POU2F1: variants seen among roughly 807,000 people sequenced by gnomAD.
The protein encoded by POU2F1 is POU class 2 homeobox 1, also known as POU domain, class 2, transcription factor 1.
POU2F1 carries 16 observed loss-of-function variants against 84.9 expected under a neutral mutation model. That is an observed-to-expected ratio of 0.19 (90% CI 0.13 to 0.29). The LOEUF is 0.29. POU2F1 is among the 10% of genes least tolerant of loss of function. The probability of loss-of-function intolerance (pLI) is 1.00; values close to 1 mark genes in which losing one functional copy is unlikely to be tolerated. For missense variants in POU2F1, 738 were observed against 942.6 expected (o/e 0.78, Z 2.84); for synonymous variants, 368 against 368.3 (o/e 1.00, Z 0.01).
chr1:167,256,674 C>T (rs1011667837), intron 1 of POU2F1, among the ~76,000 whole-genome samples: 8 of 152,104 alleles, frequency 5.3e-5, no homozygotes, highest in East Asian at 1.9e-4. Context: ...CGAAAAGTTA[C>T]GAAATGATAG....
At chr1:167,327,317 A>G (rs937107917) in intron 1 of POU2F1, among the ~76,000 whole-genome samples, 1 of 152,214 alleles carries the variant, frequency 6.6e-6, no homozygotes, top group South Asian at 2.1e-4. Context: ...TATAGGTGAT[A>G]AAATTAAGGC....
chr1:167,236,671 G>T (rs1649481066), intron 1 of POU2F1, among the ~76,000 whole-genome samples: 1 of 152,126 alleles, frequency 6.6e-6, no homozygotes, highest in East Asian at 1.9e-4. Context: ...CAGTCTACCT[G>T]TTAGTCACAT....
At chr1:167,334,998 T>C (rs1657342581) in intron 2 of POU2F1, among the ~76,000 whole-genome samples, 1 of 152,196 alleles carries the variant, frequency 6.6e-6, no homozygotes. Flanking sequence ...AGGAGAATGA[T>C]ATTGTAAAAT....
chr1:167,406,468 G>A (rs948138178), intron 13 of POU2F1, among the ~76,000 whole-genome samples: 1 of 152,188 alleles, frequency 6.6e-6, no homozygotes, highest in Non-Finnish European at 1.5e-5. Flanking sequence ...TTAGGTAAGA[G>A]TGTTTGTTTG....
intron 4 of POU2F1, among the ~76,000 whole-genome samples, chr1:167,371,066 T>C (rs574778226): frequency 2.0e-5 from 3 of 152,284 alleles, no homozygotes; most frequent in African/African-American, 7.2e-5. Flanking sequence ...CAGTTGAATA[T>C]GGACCTAGTA....
At chr1:167,356,731 A>G (rs865896591) in intron 2 of POU2F1, among the ~76,000 whole-genome samples, 3 of 152,200 alleles carry the variant, frequency 2.0e-5, no homozygotes, top group African/African-American at 7.2e-5. Context: ...GAAAGAAAGG[A>G]AAGTACACTT....
intron 13 of POU2F1, among the ~76,000 whole-genome samples, chr1:167,406,145 C>G (rs369360056): frequency 6.6e-6 from 1 of 152,062 alleles, no homozygotes; most frequent in Non-Finnish European, 1.5e-5. Flanking sequence ...TCAAATCCAG[C>G]AACATACTGA....
intron 1 of POU2F1, among the ~76,000 whole-genome samples, chr1:167,224,642 A>G (rs1367135849): frequency 6.6e-6 from 1 of 152,136 alleles, no homozygotes; most frequent in Non-Finnish European, 1.5e-5. Flanking sequence ...TTTTAAGGTG[A>G]TGATTAAAAT....
intron 2 of POU2F1, among the ~76,000 whole-genome samples, chr1:167,350,769 C>T (rs1170391250): frequency 4.0e-5 from 6 of 151,712 alleles, no homozygotes; most frequent in East Asian, 1.9e-4. Flanking sequence ...GAGGCTGAGG[C>T]GGGCAGATCA....
chr1:167,292,028 C>T (rs1221017880), intron 1 of POU2F1, among the ~76,000 whole-genome samples: 6 of 149,896 alleles, frequency 4.0e-5, no homozygotes, highest in Admixed American at 6.7e-5. Flanking sequence ...AAAATCTGTG[C>T]GTGTGTGTGT....
intron 1 of POU2F1, among the ~76,000 whole-genome samples, chr1:167,309,115 T>C (rs1359761831): frequency 3.3e-5 from 5 of 151,860 alleles, no homozygotes; most frequent in Non-Finnish European, 7.4e-5. Context: ...TTTTTTTTTT[T>C]TTCTTTGAGA....
In POU2F1 at chr1:167,403,048, A is replaced by G. The variant is rs77898682; in HGVS notation, c.1555+1492A>G. On this transcript the variant is annotated intron_variant, in intron 13 of 15. Transcript: ENST00000367866. ...TTTTAATACTCAAAACTAGCTAAAA[A>G]TTTGCATCAGTTTTTGATACTTCTT... is the stretch of plus-strand genomic sequence containing the variant. 6.8e-3 allele frequency among the ~76,000 whole-genome samples: 1,043 copies of G among 152,298 alleles called. 20 individuals carry two copies. The highest frequency in any genetic ancestry group is 0.042 in the Admixed American group (644 of 15,282).
Position 167,265,244 on chromosome 1 carries a change from G to A in POU2F1, c.61+44286G>A, listed in dbSNP as rs540391822. Among the ~76,000 whole-genome samples the A allele has an allele frequency of 3.9e-5, 6 of 152,318 alleles. No homozygotes were observed. In the South Asian group the frequency reaches 6.2e-4, roughly 16 times the overall value. On this transcript the variant is annotated intron_variant, in intron 1 of 15. Transcript: ENST00000367866. The stretch of plus-strand genomic sequence containing the variant: ...TTAAAGGGTCTGAGTCTAGATGAGA[G>A]ATGGTGGCTGAGACAAAGATTGTGG...
At chr1:167,303,883 A>G (rs530042457) in intron 1 of POU2F1, among the ~76,000 whole-genome samples, 35 of 152,284 alleles carry the variant, frequency 2.3e-4, no homozygotes, top group African/African-American at 8.2e-4. Flanking sequence ...TTTTTATATC[A>G]TCTTTATTCT....
At chr1:167,379,277 A>G (rs2101868314) in intron 7 of POU2F1, 1 of 152,310 alleles carries the variant, frequency 6.6e-6, no homozygotes, top group South Asian at 2.1e-4. Flanking sequence ...TCTTCCAATA[A>G]GAAAGTCTTC....
At chr1:167,373,962 A>G in intron 5 of POU2F1, 146 bp from the exon 6 acceptor site, 1 of 700,874 alleles carries the variant, frequency 1.4e-6, no homozygotes, top group Non-Finnish European at 2.5e-6. Flanking sequence ...TTGATCACTG[A>G]TGAACATTTT....
In POU2F1 at chr1:167,334,220, G is replaced by C. The variant is rs145392702; in HGVS notation, c.127+1685G>C. On this transcript the variant is annotated intron_variant, in intron 2 of 15. Coordinates refer to ENST00000367866, the MANE Select transcript of POU2F1 (RefSeq NM_002697.4). ...TTGTTTCCCAGGCGGGAGTGCAATG[G>C]TGCGACCTCGGCTCACTGCAACCTC... is the stretch of plus-strand genomic sequence containing the variant. Among the ~76,000 whole-genome samples, 546 of 144,024 alleles carry C rather than the reference G, an allele frequency of 3.8e-3. 3 individuals carry two copies. Among genetic ancestry groups the C allele is most frequent in the African/African-American group, 0.014 (525 of 37,954 alleles). The allele number at this position is 144,024 out of a possible 152,430, so 94.5% of individuals were successfully genotyped here.
chr1:167,387,726 G>A (rs1432261758), intron 8 of POU2F1, among the ~76,000 whole-genome samples: 1 of 152,202 alleles, frequency 6.6e-6, no homozygotes, highest in African/African-American at 2.4e-5. Context: ...GAGCAACTAA[G>A]ATGCAGTCAG....
At chr1:167,316,083 G>A (rs1219888715) in intron 1 of POU2F1, among the ~76,000 whole-genome samples, 2 of 152,300 alleles carry the variant, frequency 1.3e-5, no homozygotes, top group East Asian at 1.9e-4. Context: ...AGAGGGATAG[G>A]AGTTGGTGTG....
Sources: gnomAD v4.1 joint callset for allele counts (sites outside exome capture counted in the v4.1 genomes callset) on GRCh38, gnomAD v4.1.1 for gene constraint, MANE v1.5 for transcripts, NCBI Gene and HGNC (gene_info 2026-07-23, HGNC 2026-07-21) for gene names.